The following DIS3 variants were observed in gnomAD, a reference collection of about 807,000 sequenced individuals.
The protein encoded by DIS3 is exosome complex exonuclease RRP44.
A neutral mutation model predicts 113.0 loss-of-function variants in DIS3; 103 were observed. That is an observed-to-expected ratio of 0.91 (90% confidence interval 0.78 to 1.07). The LOEUF is 1.07. DIS3 is among the 50% of genes least tolerant of loss of function. The pLI, the probability that DIS3 is intolerant of heterozygous loss-of-function variation, is 0.00. For synonymous variants in DIS3, 402 were observed against 394.3 expected (o/e 1.02, Z -0.23); for missense variants, 1,121 against 1,167.1 (o/e 0.96, Z 0.58).
rs767216602 is a variant in DIS3 at position 72,774,011 on chromosome 13, C to T, written c.1036G>A (p.Val346Ile). The T allele has an allele frequency of 6.2e-7, 1 of 1,611,744 alleles. No individual in the cohort carries two copies. Among genetic ancestry groups the T allele is most frequent in the Non-Finnish European group, 8.5e-7 (1 of 1,179,546 alleles). The part of the protein sequence containing the change: ...EKMLKPTGRV[V>I]GIIKRNWRPY... ...CTCCAATTCCTTTTTATTATTCCTA[C>T]AACTCTACCTGTAGGCTTCAACATT... The change falls in exon 7 of 21, where the codon GTA becomes ATA. Residue 346 changes from valine to isoleucine, a missense_variant. Transcript: ENST00000377767.
intron 8 of DIS3, among the ~76,000 whole-genome samples, chr13:72,773,106 A>G (rs1323223204): frequency 6.6e-6 from 1 of 152,172 alleles, no homozygotes; most frequent in African/African-American, 2.4e-5. Flanking sequence ...ATCTTTTCAA[A>G]ATTTGTTGAT....
intron 6 of DIS3, 95 bp downstream of exon 6, chr13:72,775,116 A>T (rs2138220250): frequency 7.5e-7 from 1 of 1,331,198 alleles, no homozygotes; most frequent in Middle Eastern, 2.6e-4. Flanking sequence ...GATTTTATGC[A>T]ATAAATCTGA....
chr13:72,760,137 C>T (rs1196649617), intron 20 of DIS3, among the ~76,000 whole-genome samples: 1 of 152,140 alleles, frequency 6.6e-6, no homozygotes, highest in Non-Finnish European at 1.5e-5. Flanking sequence ...ACAAAACAGC[C>T]TTCCCAATGG....
intron 6 of DIS3, 127 bp downstream of exon 6, chr13:72,775,084 T>C (rs1252442570): frequency 9.9e-7 from 1 of 1,006,640 alleles, no homozygotes; most frequent in African/African-American, 1.7e-5. Flanking sequence ...GTGTATGACA[T>C]GCGTTAAATA....
rs1473748361 is a variant in DIS3, at chr13:72,760,555, T to G, written c.2767A>C (p.Ile923Leu). ...TGTGGTTCTACCAGGGACATTCGGA[T>G]CTTCTGATGTTGAAGATTAGATGAG... ...LDSSNLQHQK[I>L]RMSLVEPQIP... The change falls in exon 20 of 21, where the codon ATC becomes CTC. Residue 923 changes from isoleucine (I) to leucine (L), a missense_variant. Physicochemically the swap from Ile to Leu is conservative, Grantham distance 5 (BLOSUM62 2). Coordinates refer to ENST00000377767, the MANE Select transcript of DIS3 (RefSeq NM_014953.5). 6.2e-7 allele frequency: 1 copy of G among 1,613,682 alleles called. No homozygotes were observed. Among genetic ancestry groups the G allele is most frequent in the South Asian group, 1.1e-5 (1 of 91,068 alleles).
chr13:72,755,482 C>T lies in DIS3; in HGVS notation c.*4313G>A. 1 of 443,122 alleles carries T rather than the reference C, an allele frequency of 2.3e-6. No individual in the cohort carries two copies. Among genetic ancestry groups the T allele is most frequent in the South Asian group, 3.8e-5 (1 of 26,554 alleles). 27.4% of individuals were successfully genotyped at this position (443,122 alleles called of 1,614,324 possible). ...TGATGTGTTTAACAACAAATTGTGA[C>T]AGAGCTGAGTGCTCCTATCTTACAG... is the stretch of plus-strand genomic sequence containing the variant. On this transcript the variant is annotated 3_prime_UTR_variant, in exon 21 of 21. Coordinates refer to ENST00000377767, the MANE Select transcript of DIS3 (RefSeq NM_014953.5).
At chr13:72,768,544 A>G (rs1032370521) in intron 14 of DIS3, among the ~76,000 whole-genome samples, 1 of 152,084 alleles carries the variant, frequency 6.6e-6, no homozygotes, top group Non-Finnish European at 1.5e-5. Flanking sequence ...CAGCTACTTG[A>G]ACGACAGGAG....
Position 72,781,603 on chromosome 13 carries a change from A to T in DIS3, c.228+2T>A. The T allele has an allele frequency of 1.3e-6, 2 of 1,508,184 alleles. No homozygotes were observed. The highest frequency in any genetic ancestry group is 1.8e-6 in the Non-Finnish European group (2 of 1,124,116). 93.4% of individuals were successfully genotyped at this position (1,508,184 alleles called of 1,614,324 possible). On this transcript the variant is annotated splice_donor_variant, in intron 1 of 20. Transcript: ENST00000377767. LOFTEE classifies it high-confidence loss of function. ...CTGTCCGCGGTTCGCCCGCCCACGC[A>T]CCTGGTGCAGTAACACATTAGTGTC... is the stretch of plus-strand genomic sequence containing the variant.
chr13:72,768,921 G>T lies in DIS3; in HGVS notation c.1756-9C>A. The stretch of plus-strand genomic sequence containing the variant: ...GCATACGTCAGAGATGCCTAAAAAA[G>T]AAAATGTATGTTATATAATTCTTAT... On this transcript the variant is annotated splice_polypyrimidine_tract_variant and intron_variant, in intron 13 of 20. Transcript: ENST00000377767. 1 of 1,551,448 alleles carries T rather than the reference G, an allele frequency of 6.4e-7. No individual in the cohort carries two copies. The highest frequency in any genetic ancestry group is 8.8e-7 in the Non-Finnish European group (1 of 1,132,486).
rs1300438979 is a variant in DIS3 at position 72,757,696 on chromosome 13, G to A, written c.*2099C>T. On this transcript the variant is annotated 3_prime_UTR_variant, in exon 21 of 21. Transcript: ENST00000377767. ...CCCGCCTCGTCCTCCCAAAATGCTA[G>A]GATTACAGGCATGAGCCACCGCACC... 3.3e-5 allele frequency: 6 copies of A among 181,832 alleles called. No individual in the cohort carries two copies. Among genetic ancestry groups the A allele is most frequent in the East Asian group, 2.7e-4 (3 of 11,060 alleles). The allele number at this position is 181,832 out of a possible 1,614,324, so 11.3% of individuals were successfully genotyped here.
chr13:72,777,309 A>T, intron 4 of DIS3, 111 bp downstream of exon 4: 2 of 999,108 alleles, frequency 2.0e-6, no homozygotes, highest in Non-Finnish European at 3.0e-6. Context: ...ACTATTCCAA[A>T]TCCAGCTTAC....
chr13:72,778,640 A>G (rs892583976), intron 2 of DIS3, among the ~76,000 whole-genome samples: 3 of 152,320 alleles, frequency 2.0e-5, no homozygotes, highest in African/African-American at 7.2e-5. Flanking sequence ...TATTTCCTAA[A>G]AAGAAAAATT....
In DIS3 at chr13:72,781,015, A is replaced by G. The variant is rs1315903387; in HGVS notation, c.229-12T>C. The G allele has an allele frequency of 6.3e-7, 1 of 1,586,876 alleles. No individual in the cohort carries two copies. Among genetic ancestry groups the G allele is most frequent in the South Asian group, 1.2e-5 (1 of 86,040 alleles). On this transcript the variant is annotated splice_polypyrimidine_tract_variant and intron_variant, in intron 1 of 20. Coordinates refer to ENST00000377767, the MANE Select transcript of DIS3 (RefSeq NM_014953.5). ...TCAAGAACATCAATCTTAAAGAAAG[A>G]TAAAGTTAATTTTTCCTATATTCAT...
intron 1 of DIS3, chr13:72,781,242 T>G: frequency 1.3e-6 from 2 of 1,545,298 alleles, no homozygotes; most frequent in Non-Finnish European, 1.8e-6. Flanking sequence ...AGGGTATTAA[T>G]AAAGGAATAC....
chr13:72,774,569 C>T (rs565052130), intron 6 of DIS3, among the ~76,000 whole-genome samples: 2 of 152,224 alleles, frequency 1.3e-5, no homozygotes, highest in African/African-American at 2.4e-5. Context: ...CCTCTTAACA[C>T]TATCCAAAGG....
At position 72,759,722 on chromosome 13, in the gene DIS3, GGCTT is replaced by G; in HGVS notation, c.*69_*72del. The G allele has an allele frequency of 8.6e-7, 1 of 1,160,376 alleles. No individual in the cohort carries two copies. The highest frequency in any genetic ancestry group is 1.3e-6 in the Non-Finnish European group (1 of 792,684). 71.9% of individuals were successfully genotyped at this position (1,160,376 alleles called of 1,614,324 possible). A position where few individuals can be genotyped will look rare whatever the true frequency, so the allele number is the denominator to read the frequency against. ...AGTAACAAACTGTATCACACACTTA[GGCTT>G]AGAAGTGTTCTTTCAAGTTTTTTCT... On this transcript the variant is annotated 3_prime_UTR_variant, in exon 21 of 21. Coordinates refer to ENST00000377767, the MANE Select transcript of DIS3 (RefSeq NM_014953.5).
At position 72,781,660 on chromosome 13, in the gene DIS3, C is replaced by G; in HGVS notation, c.173G>C (p.Ser58Thr). ...CAAGTAGTGCGGTTGCGGGCAGACGCTGCTCGCCGGGTCCTGGGGCTGCGG... is the reference window on the plus strand; with the variant it reads ...CAAGTAGTGCGGTTGCGGGCAGACGGTGCTCGCCGGGTCCTGGGGCTGCGG... ...LEPQPQDPASSVCPQPHYLLP... is the reference protein window; with the variant it reads ...LEPQPQDPASTVCPQPHYLLP... Residue 58 changes from serine to threonine, a missense_variant, in exon 1 of 21, where the codon AGC becomes ACC. By Grantham distance (58) the Ser-to-Thr change is moderately conservative. Coordinates refer to ENST00000377767, the MANE Select transcript of DIS3 (RefSeq NM_014953.5). The G allele has an allele frequency of 6.5e-7, 1 of 1,547,348 alleles. No homozygotes were observed. Among genetic ancestry groups the G allele is most frequent in the Non-Finnish European group, 8.7e-7 (1 of 1,145,452 alleles).
At position 72,767,233 on chromosome 13, in the gene DIS3, T is replaced by C. The variant is rs573651872; in HGVS notation, c.1884-1175A>G. On this transcript the variant is annotated intron_variant, in intron 14 of 20. Transcript: ENST00000377767. ...ATGATGTTTTCCCAGGAGGCAACCA[T>C]CTACTTACCAAATTAAAAATACAGA... Among the ~76,000 whole-genome samples the C allele has an allele frequency of 2.6e-5, 4 of 152,264 alleles. No individual in the cohort carries two copies. In the South Asian group the frequency reaches 8.3e-4, roughly 32 times the overall value.
chr13:72,770,549 T>C (rs896753420), intron 13 of DIS3, among the ~76,000 whole-genome samples: 2 of 152,168 alleles, frequency 1.3e-5, no homozygotes, highest in Non-Finnish European at 2.9e-5. Context: ...TCAAGAAAGC[T>C]GGCAATAAGA....
Sources: allele counts gnomAD v4.1 joint callset (sites outside exome capture counted in the v4.1 genomes callset), GRCh38; gene constraint gnomAD v4.1.1; transcripts MANE v1.5; gene names NCBI Gene and HGNC (gene_info 2026-07-23, HGNC 2026-07-21).